STAC: variants seen among roughly 807,000 people sequenced by gnomAD.
The protein encoded by STAC is SH3 and cysteine-rich domain-containing protein.
Under a neutral mutation model 48.8 loss-of-function variants are expected in STAC, and 43 were observed. The observed-to-expected ratio is 0.88, with a 90% CI of 0.69 to 1.14. The LOEUF (loss-of-function observed/expected upper bound fraction) is 1.14, where lower values mean the gene tolerates loss of function less well. Ranked by LOEUF, STAC falls within the 50% of genes most tolerant of loss-of-function variation. The pLI is 0.00. For synonymous variants in STAC, 193 were observed against 179.5 expected, an observed-to-expected ratio of 1.07 and a Z score of -0.60; for missense variants, 497 against 504.0, an observed-to-expected ratio of 0.99 and a Z score of 0.13.
intron 1 of STAC, among the ~76,000 whole-genome samples, chr3:36,441,112 T>C (rs186519601): frequency 9.8e-4 from 149 of 152,292 alleles, no homozygotes; most frequent in African/African-American, 3.4e-3. Flanking sequence ...AAAAGTATCC[T>C]CCTTCTAGCT....
rs1339176182 is a variant in STAC at position 36,380,652 on chromosome 3, T to A, written c.9T>A (p.Pro3=). ...GTTCCCGCGCGGCCACGATGATCCC[T>A]CCGAGCAGCCCCCGCGAGGACGGCG... MI[P]PSSPREDGVD... The change falls in exon 1 of 11, where the codon CCT becomes CCA. Residue 3 remains proline, a synonymous_variant. Coordinates refer to ENST00000273183, the MANE Select transcript of STAC (RefSeq NM_003149.3). The A allele has an allele frequency of 2.5e-6, 4 of 1,592,656 alleles. No individual in the cohort carries two copies. In the African/African-American group the frequency reaches 5.4e-5, roughly 21 times the overall value.
At chr3:36,398,816 C>T (rs1699942908) in intron 1 of STAC, among the ~76,000 whole-genome samples, 1 of 152,106 alleles carries the variant, frequency 6.6e-6, no homozygotes, top group Admixed American at 6.6e-5. Flanking sequence ...ATACAGGTTG[C>T]TGTTGCTGTG....
chr3:36,415,799 C>T (rs1361600343), intron 1 of STAC, among the ~76,000 whole-genome samples: 2 of 152,114 alleles, frequency 1.3e-5, no homozygotes, highest in Non-Finnish European at 2.9e-5. Flanking sequence ...GTGTGTGACA[C>T]AAGGAGAAGA....
In STAC at chr3:36,448,140, A is replaced by C. The variant is rs1216911217; in HGVS notation, c.388+4500A>C. 7.3e-5 allele frequency among the ~76,000 whole-genome samples: 11 copies of C among 150,500 alleles called. No individual in the cohort carries two copies. The East Asian group carries it at 2.1e-3, about 29-fold the overall frequency. The stretch of plus-strand genomic sequence containing the variant: ...CATTCGGCCCACTTGAAAGAATCCT[A>C]CTAATTATGGTCACAGAATTTTATT... On this transcript the variant is annotated intron_variant, in intron 2 of 10. Coordinates refer to ENST00000273183, the MANE Select transcript of STAC (RefSeq NM_003149.3).
chr3:36,428,067 C>G (rs1225576418), intron 1 of STAC, among the ~76,000 whole-genome samples: 4 of 151,880 alleles, frequency 2.6e-5, no homozygotes, highest in African/African-American at 9.7e-5. Flanking sequence ...TAGATTAGAC[C>G]CTGAAGCAGA....
chr3:36,543,748 G>T (rs62243792), intron 10 of STAC, among the ~76,000 whole-genome samples: 10,042 of 152,120 alleles, frequency 0.066, 477 homozygotes, highest in Non-Finnish European at 0.095. Flanking sequence ...GGTCAGTCCA[G>T]GTTTTGTTTG....
chr3:36,402,632 T>C (rs1700019980), intron 1 of STAC, among the ~76,000 whole-genome samples: 1 of 152,104 alleles, frequency 6.6e-6, no homozygotes, highest in South Asian at 2.1e-4. Flanking sequence ...AAGATAATTC[T>C]AGACTTCAAA....
intron 2 of STAC, among the ~76,000 whole-genome samples, chr3:36,454,738 G>GA (rs149332165): frequency 5.3e-5 from 8 of 150,610 alleles, no homozygotes; most frequent in Admixed American, 2.0e-4. Context: ...ATCAGTGTAA[G>GA]AAAAAAAAAT....
intron 4 of STAC, among the ~76,000 whole-genome samples, chr3:36,485,534 C>G (rs886987135): frequency 1.3e-5 from 2 of 152,226 alleles, no homozygotes; most frequent in Admixed American, 6.5e-5. Context: ...ATATTATTCT[C>G]TAATGCAGAT....
At chr3:36,472,897 A>G (rs1207335743) in intron 2 of STAC, among the ~76,000 whole-genome samples, 1 of 152,218 alleles carries the variant, frequency 6.6e-6, no homozygotes, top group Non-Finnish European at 1.5e-5. Context: ...ATGCAGTTCC[A>G]AAGTCACTCC....
intron 2 of STAC, among the ~76,000 whole-genome samples, chr3:36,474,444 T>G (rs1697436124): frequency 6.6e-6 from 1 of 152,318 alleles, no homozygotes; most frequent in East Asian, 1.9e-4. Context: ...ACAGATGCCC[T>G]TTCACTTTCA....
At chr3:36,534,188 C>T (rs763231023) in intron 10 of STAC, among the ~76,000 whole-genome samples, 6 of 152,150 alleles carry the variant, frequency 3.9e-5, no homozygotes, top group Admixed American at 6.6e-5. Flanking sequence ...GTGATTTTGA[C>T]AAAGTAGCCT....
chr3:36,396,320 G>A (rs1367365377), intron 1 of STAC, among the ~76,000 whole-genome samples: 3 of 151,982 alleles, frequency 2.0e-5, no homozygotes, highest in African/African-American at 7.3e-5. Flanking sequence ...AATTTGAGAT[G>A]AAGTTTCTTG....
chr3:36,530,073 T>C (rs1196213149), intron 10 of STAC, among the ~76,000 whole-genome samples: 3 of 152,154 alleles, frequency 2.0e-5, no homozygotes, highest in African/African-American at 7.2e-5. Flanking sequence ...TGAGCCGAGA[T>C]CGTGCCACTG....
At chr3:36,385,655 C>A (rs111916708) in intron 1 of STAC, among the ~76,000 whole-genome samples, 2 of 152,208 alleles carry the variant, frequency 1.3e-5, no homozygotes, top group African/African-American at 4.8e-5. Flanking sequence ...CTCTCTCATA[C>A]CCCTTTCTAA....
At chr3:36,396,748 C>T (rs536972995) in intron 1 of STAC, among the ~76,000 whole-genome samples, 1 of 152,248 alleles carries the variant, frequency 6.6e-6, no homozygotes, top group East Asian at 1.9e-4. Flanking sequence ...AATTTCAAAG[C>T]AATTTTATCG....
chr3:36,460,431 G>A (rs564457170), intron 2 of STAC, among the ~76,000 whole-genome samples: 3 of 152,056 alleles, frequency 2.0e-5, no homozygotes, highest in Admixed American at 1.3e-4. Context: ...TGCAATATTT[G>A]GGAAACACTA....
chr3:36,498,779 TGAGA>T (rs1698214431), intron 6 of STAC, among the ~76,000 whole-genome samples: 2 of 151,770 alleles, frequency 1.3e-5, no homozygotes, highest in Admixed American at 1.3e-4. Flanking sequence ...AGAAAGAGAA[TGAGA>T]GAGAGACAAT....
rs562418470 is a variant in STAC, at chr3:36,417,064, A to G, written c.112-26300A>G. The stretch of plus-strand genomic sequence containing the variant: ...CCTACTCCTGATATATCTGCCCCCC[A>G]TGGCACCAGGCATCCAAAGATTCTC... On this transcript the variant is annotated intron_variant, in intron 1 of 10. Coordinates refer to ENST00000273183, the MANE Select transcript of STAC (RefSeq NM_003149.3). Among the ~76,000 whole-genome samples the G allele has an allele frequency of 2.6e-5, 4 of 152,144 alleles. No individual in the cohort carries two copies. In the South Asian group the frequency reaches 8.3e-4, roughly 32 times the overall value.
Sources: allele counts gnomAD v4.1 joint callset (sites outside exome capture counted in the v4.1 genomes callset), GRCh38; gene constraint gnomAD v4.1.1; transcripts MANE v1.5; gene names NCBI Gene and HGNC (gene_info 2026-07-23, HGNC 2026-07-21).